POLK: variants seen among roughly 807,000 people sequenced by gnomAD.
The protein encoded by POLK is polymerase (DNA directed) kappa.
A neutral mutation model predicts 94.0 loss-of-function variants in POLK; 76 were observed. The observed-to-expected ratio is 0.81, with a 90% CI of 0.67 to 0.98. POLK has a LOEUF of 0.98. Among genes scored for constraint, POLK ranks in the 50% least tolerant of loss-of-function variants. The pLI is 0.00. For missense variants in POLK, 954 were observed against 1,010.1 expected, an observed-to-expected ratio of 0.94 and a Z score of 0.75; for synonymous variants, 349 against 325.4, an observed-to-expected ratio of 1.07 and a Z score of -0.78.
At chr5:75,572,885 AG>A (rs1224352120) in intron 4 of POLK, among the ~76,000 whole-genome samples, 1 of 152,160 alleles carries the variant, frequency 6.6e-6, no homozygotes, top group African/African-American at 2.4e-5. Context: ...GAGGATGTGG[AG>A]AAATAGGAAC....
At chr5:75,576,062 T>C (rs1487157807) in intron 5 of POLK, among the ~76,000 whole-genome samples, 2 of 152,164 alleles carry the variant, frequency 1.3e-5, no homozygotes, top group Non-Finnish European at 2.9e-5. Flanking sequence ...CTATGTTATA[T>C]AAAAGGCATT....
At chr5:75,551,560 T>C (rs970503369) in intron 2 of POLK, among the ~76,000 whole-genome samples, 5 of 152,118 alleles carry the variant, frequency 3.3e-5, no homozygotes, top group Admixed American at 2.6e-4. Context: ...AAGATGTGAA[T>C]AGACATTTCA....
At chr5:75,600,286 C>T (rs1773268686) in exon 15 of POLK, 1 of 152,170 alleles carries the variant, frequency 6.6e-6, no homozygotes, top group Non-Finnish European at 1.5e-5. Flanking sequence ...GGAGGTATTA[C>T]ATCTTTACCT....
In POLK at chr5:75,559,711, A is replaced by G. The variant is rs147552736; in HGVS notation, c.255+7120A>G. The stretch of plus-strand genomic sequence containing the variant: ...ACACTTTCACACTCAGTTAATTTTT[A>G]AAATTTTTCGTAGAGACAGGATCTC... On this transcript the variant is annotated intron_variant, in intron 3 of 14. Coordinates refer to ENST00000241436, the Ensembl canonical transcript of POLK. 3.9e-4 allele frequency among the ~76,000 whole-genome samples: 59 copies of G among 150,876 alleles called. No individual in the cohort carries two copies. The East Asian group carries it at 0.011, about 29-fold the overall frequency.
Position 75,540,453 on chromosome 5 carries a change from C to T in POLK, c.-13-6557C>T, listed in dbSNP as rs1021606631. On this transcript the variant is annotated intron_variant, in intron 1 of 14. Transcript: ENST00000241436. ...TCCCGAGTAGCTGGGACTACAGGCACATGTCAACACACCTGGCTATTTTTT... is the reference window on the plus strand; with the variant it reads ...TCCCGAGTAGCTGGGACTACAGGCATATGTCAACACACCTGGCTATTTTTT... 6.6e-5 allele frequency among the ~76,000 whole-genome samples: 10 copies of T among 152,050 alleles called. No individual in the cohort carries two copies. The South Asian group carries it at 2.1e-3, about 32-fold the overall frequency.
chr5:75,558,078 C>T (rs1416030686), intron 3 of POLK, among the ~76,000 whole-genome samples: 2 of 152,146 alleles, frequency 1.3e-5, no homozygotes, highest in Non-Finnish European at 2.9e-5. Context: ...TGTGAGCCAA[C>T]ATGTTGGGCC....
At chr5:75,533,466 G>A (rs11749414) in intron 1 of POLK, among the ~76,000 whole-genome samples, 12,477 of 152,132 alleles carry the variant, frequency 0.082, 584 homozygotes, top group South Asian at 0.12. Flanking sequence ...TACTGCTACC[G>A]TGCTGTTTTG....
At chr5:75,511,677 C>T (rs1233440974), upstream of POLK, 1 of 1,527,256 alleles carries the variant, frequency 6.5e-7, no homozygotes. Flanking sequence ...CTCCCATTCT[C>T]CCCCACTACT....
intron 10 of POLK, among the ~76,000 whole-genome samples, chr5:75,589,793 C>G (rs181923805): frequency 1.3e-5 from 2 of 152,294 alleles, no homozygotes; most frequent in Admixed American, 1.3e-4. Flanking sequence ...GTTAATATCA[C>G]TTGTCAACTT....
At chr5:75,542,831 G>A (rs1436336956) in intron 1 of POLK, among the ~76,000 whole-genome samples, 1 of 150,370 alleles carries the variant, frequency 6.7e-6, no homozygotes, top group Non-Finnish European at 1.5e-5. Flanking sequence ...TCCTGCCTCA[G>A]CCTCCTGAGT....
At chr5:75,586,093 A>G (rs1222987882) in intron 9 of POLK, among the ~76,000 whole-genome samples, 1 of 152,194 alleles carries the variant, frequency 6.6e-6, no homozygotes, top group African/African-American at 2.4e-5. Flanking sequence ...TTTTATTTCC[A>G]TAGTGCTTGA....
At position 75,581,196 on chromosome 5, in the gene POLK, G is replaced by A; in HGVS notation, c.695-13G>A. 1.3e-6 allele frequency: 2 copies of A among 1,566,746 alleles called. No homozygotes were observed. Among genetic ancestry groups the A allele is most frequent in the Non-Finnish European group, 1.8e-6 (2 of 1,138,854 alleles). Reference sequence around the variant, plus strand: ...TAAAATAAAGGTGAGTTATTTTCCTGTTTATGACTTAGATAATCCAGGAAA... The same window carrying A: ...TAAAATAAAGGTGAGTTATTTTCCTATTTATGACTTAGATAATCCAGGAAA... On this transcript the variant is annotated splice_polypyrimidine_tract_variant and intron_variant, in intron 6 of 14. Coordinates refer to ENST00000241436, the Ensembl canonical transcript of POLK.
At chr5:75,559,893 G>A (rs1304775614) in intron 3 of POLK, among the ~76,000 whole-genome samples, 1 of 151,730 alleles carries the variant, frequency 6.6e-6, no homozygotes, top group African/African-American at 2.4e-5. Context: ...ACTAATTTAA[G>A]AAAACAAAAC....
At chr5:75,597,362 T>G in intron 13 of POLK, 184 bp downstream of exon 13, 2 of 532,340 alleles carry the variant, frequency 3.8e-6, no homozygotes, top group Non-Finnish European at 3.3e-6. Flanking sequence ...GATTGTGAAT[T>G]TGGGGAAAAC....
chr5:75,541,596 G>T (rs1015323572), intron 1 of POLK, among the ~76,000 whole-genome samples: 15 of 151,038 alleles, frequency 9.9e-5, no homozygotes, highest in African/African-American at 3.4e-4. Context: ...TTCTGTCTCT[G>T]GTAAAAAACT....
intron 3 of POLK, chr5:75,568,651 T>A (rs1226804758): frequency 2.3e-6 from 1 of 435,790 alleles, no homozygotes; most frequent in Non-Finnish European, 4.5e-6. Context: ...AAATTACAGC[T>A]TGGGTTTTAA....
chr5:75,541,195 G>T (rs1262989011), intron 1 of POLK, among the ~76,000 whole-genome samples: 1 of 152,052 alleles, frequency 6.6e-6, no homozygotes, highest in African/African-American at 2.4e-5. Context: ...GGAGGCTGAG[G>T]CAGGAGAATC....
chr5:75,589,762 C>T (rs1581094893), intron 10 of POLK, among the ~76,000 whole-genome samples: 1 of 152,260 alleles, frequency 6.6e-6, no homozygotes, highest in Non-Finnish European at 1.5e-5. Flanking sequence ...ATTCTGGTCT[C>T]TTTGTATTAT....
At chr5:75,542,000 T>G (rs889605176) in intron 1 of POLK, among the ~76,000 whole-genome samples, 12 of 152,200 alleles carry the variant, frequency 7.9e-5, no homozygotes, top group African/African-American at 1.4e-4. Flanking sequence ...TAAGATGTAT[T>G]GGTTTGAAAA....
Sources: gnomAD v4.1 joint callset for allele counts (sites outside exome capture counted in the v4.1 genomes callset) on GRCh38, gnomAD v4.1.1 for gene constraint, MANE v1.5 for transcripts, NCBI Gene and HGNC (gene_info 2026-07-23, HGNC 2026-07-21) for gene names.